Variants in ZNF670 observed in about 807,000 individuals in gnomAD.
ZNF670 encodes zinc finger protein 670.
Under a neutral mutation model 10.9 loss-of-function variants are expected in ZNF670, and 7 were observed. The ratio of observed to expected loss-of-function variants is 0.64; its 90% confidence interval spans 0.36 to 1.20. The LOEUF is 1.20. Among genes scored for constraint, ZNF670 ranks in the 50% most tolerant of loss-of-function variants. ZNF670 has a pLI of 0.02. For synonymous variants in ZNF670, 136 were observed against 152.7 expected (o/e 0.89, Z 0.81); for missense variants, 446 against 458.6 (o/e 0.97, Z 0.25).
At chr1:247,071,614 C>T (rs1045435117) in intron 1 of ZNF670, among the ~76,000 whole-genome samples, 5 of 152,054 alleles carry the variant, frequency 3.3e-5, no homozygotes, top group Admixed American at 2.0e-4. Flanking sequence ...GCCTCTAAAC[C>T]TAAAATAAAA....
At chr1:247,066,719 G>C (rs973771048) in intron 1 of ZNF670, among the ~76,000 whole-genome samples, 2 of 152,088 alleles carry the variant, frequency 1.3e-5, no homozygotes, top group Non-Finnish European at 2.9e-5. Context: ...TTTGGAATTC[G>C]GGAAAAGCCA....
At chr1:247,061,849 T>C (rs1460054376) in intron 1 of ZNF670, among the ~76,000 whole-genome samples, 2 of 152,220 alleles carry the variant, frequency 1.3e-5, no homozygotes, top group Non-Finnish European at 2.9e-5. Flanking sequence ...CTAACCACAA[T>C]GTGCCAATAT....
intron 1 of ZNF670, among the ~76,000 whole-genome samples, chr1:247,039,835 T>C (rs1314835765): frequency 6.6e-6 from 1 of 151,012 alleles, no homozygotes; most frequent in Non-Finnish European, 1.5e-5. Flanking sequence ...ATGTGTAGAT[T>C]TTATCTTAAG....
intron 1 of ZNF670, among the ~76,000 whole-genome samples, chr1:247,065,059 C>T (rs1412637046): frequency 6.6e-6 from 1 of 152,210 alleles, no homozygotes; most frequent in Non-Finnish European, 1.5e-5. Flanking sequence ...CCACCTGCCT[C>T]AGCCTCCCAA....
intron 1 of ZNF670, among the ~76,000 whole-genome samples, chr1:247,078,330 G>T (rs1443397161): frequency 6.6e-6 from 1 of 152,186 alleles, no homozygotes; most frequent in Non-Finnish European, 1.5e-5. Flanking sequence ...CCCTCCCGTC[G>T]GCACCGCACG....
At chr1:247,073,847 C>T (rs1671192474) in intron 1 of ZNF670, among the ~76,000 whole-genome samples, 2 of 152,166 alleles carry the variant, frequency 1.3e-5, no homozygotes, top group Admixed American at 1.3e-4. Context: ...AGGTTCCCAT[C>T]ACCCCTTCCT....
In ZNF670 at chr1:247,037,206, G is replaced by T; in HGVS notation, c.*243C>A. On this transcript the variant is annotated 3_prime_UTR_variant, in exon 4 of 4. Coordinates refer to ENST00000366503, the MANE Select transcript of ZNF670 (RefSeq NM_033213.5). Reference sequence around the variant, plus strand: ...CACTGATAAAAATATATTTGAAAGCGGCTGGGAAAATAAAGTGTTCTAACA... The same window carrying T: ...CACTGATAAAAATATATTTGAAAGCTGCTGGGAAAATAAAGTGTTCTAACA... The T allele has an allele frequency of 4.9e-6, 2 of 405,068 alleles. No individual in the cohort carries two copies. Among genetic ancestry groups the T allele is most frequent in the Non-Finnish European group, 8.7e-6 (2 of 230,792 alleles). 25.1% of individuals were successfully genotyped at this position (405,068 alleles called of 1,614,324 possible).
rs567138314 is a variant in ZNF670, at chr1:247,037,438, G to C, written c.*11C>G. On this transcript the variant is annotated 3_prime_UTR_variant, in exon 4 of 4. Coordinates refer to ENST00000366503, the MANE Select transcript of ZNF670 (RefSeq NM_033213.5). ...CTTACATTGACAGAGGTGTTTTGTT[G>C]TTGTTGTTTTTTACCACATATAAGC... 1 of 1,580,322 alleles carries C rather than the reference G, an allele frequency of 6.3e-7. No homozygotes were observed. Among genetic ancestry groups the C allele is most frequent in the Non-Finnish European group, 8.6e-7 (1 of 1,165,836 alleles).
intron 1 of ZNF670, among the ~76,000 whole-genome samples, chr1:247,068,829 C>CAAAAAAA (rs35582452): frequency 2.3e-4 from 20 of 85,582 alleles, no homozygotes; most frequent in African/African-American, 4.2e-4. Context: ...ACTATTTTGC[C>CAAAAAAA]AAAAAAAAAA....
At chr1:247,078,560 T>C (rs1363685459) in intron 1 of ZNF670, 34 bp downstream of exon 1, 6 of 1,613,244 alleles carry the variant, frequency 3.7e-6, no homozygotes, top group East Asian at 4.5e-5. Flanking sequence ...GGTTCCCTTT[T>C]CCCCTTCCCG....
intron 1 of ZNF670, among the ~76,000 whole-genome samples, chr1:247,051,782 A>ATTTT (rs58493948): frequency 7.2e-6 from 1 of 138,242 alleles, no homozygotes; most frequent in Non-Finnish European, 1.6e-5. Flanking sequence ...TTCTTTTTTC[A>ATTTT]TTTTTTTTTT....
chr1:247,044,052 G>C (rs1348226437), intron 1 of ZNF670: 7 of 186,942 alleles, frequency 3.7e-5, no homozygotes, highest in Non-Finnish European at 7.8e-5. Flanking sequence ...AAACCAATGT[G>C]GGTATCTTCT....
chr1:247,078,535 C>A, intron 1 of ZNF670, 59 bp downstream of exon 1: 1 of 1,610,202 alleles, frequency 6.2e-7, no homozygotes, highest in Non-Finnish European at 8.5e-7. Flanking sequence ...GGGTTCGCCA[C>A]AACCGCTTCC....
At chr1:247,070,251 C>A (rs1050340688) in intron 1 of ZNF670, among the ~76,000 whole-genome samples, 1 of 152,160 alleles carries the variant, frequency 6.6e-6, no homozygotes, top group Admixed American at 6.6e-5. Flanking sequence ...GTGGGCAGAT[C>A]ACGAGGTCAG....
chr1:247,076,658 CTTTT>C (rs553387815), intron 1 of ZNF670, among the ~76,000 whole-genome samples: 4 of 139,882 alleles, frequency 2.9e-5, no homozygotes, highest in East Asian at 2.1e-4. Context: ...AATAAACTCT[CTTTT>C]TTTTTTTTTT....
rs1042553108 is a variant in ZNF670 at position 247,075,701 on chromosome 1, A to G, written c.3+2893T>C. Among the ~76,000 whole-genome samples the G allele has an allele frequency of 3.3e-5, 5 of 152,324 alleles. No individual in the cohort carries two copies. The South Asian group carries it at 1.0e-3, about 32-fold the overall frequency. On this transcript the variant is annotated intron_variant, in intron 1 of 3. Transcript: ENST00000366503. The stretch of plus-strand genomic sequence containing the variant: ...TGACTTGCTCCTTGTTGCCTTCCGC[A>G]TGATTGTCAGGCTTCCCCAGCCATG...
At chr1:247,040,423 T>G (rs1670276789) in intron 1 of ZNF670, among the ~76,000 whole-genome samples, 1 of 152,164 alleles carries the variant, frequency 6.6e-6, no homozygotes, top group African/African-American at 2.4e-5. Context: ...GTCATCAAGA[T>G]ATCACCTCTT....
intron 2 of ZNF670, 113 bp downstream of exon 2, chr1:247,039,298 C>T (rs1265296419): frequency 3.9e-5 from 47 of 1,218,616 alleles, no homozygotes; most frequent in Non-Finnish European, 4.5e-5. Context: ...TGACCTCAGG[C>T]GATTCACCCG....
intron 1 of ZNF670, among the ~76,000 whole-genome samples, chr1:247,067,972 A>G (rs1671028457): frequency 6.6e-6 from 1 of 150,888 alleles, no homozygotes; most frequent in Non-Finnish European, 1.5e-5. Context: ...AATAACCACA[A>G]TATATAAGAA....
Sources: gnomAD v4.1 joint callset for allele counts (sites outside exome capture counted in the v4.1 genomes callset) on GRCh38, gnomAD v4.1.1 for gene constraint, MANE v1.5 for transcripts, NCBI Gene and HGNC (gene_info 2026-07-23, HGNC 2026-07-21) for gene names.